PCDHGA4: variants seen among roughly 807,000 people sequenced by gnomAD.
PCDHGA4 encodes protocadherin gamma subfamily A, 4.
Under a neutral mutation model 54.6 loss-of-function variants are expected in PCDHGA4, and 38 were observed. The observed-to-expected ratio is 0.70, with a 90% confidence interval of 0.54 to 0.91. The LOEUF (loss-of-function observed/expected upper bound fraction) is 0.91, where lower values mean the gene tolerates loss of function less well. Ranked by LOEUF, PCDHGA4 falls within the 40% of genes least tolerant of loss-of-function variation. The pLI is 0.00. For missense variants in PCDHGA4, 1,298 were observed against 1,220.9 expected (o/e 1.06, Z -0.94); for synonymous variants, 511 against 512.9 (o/e 1.00, Z 0.05).
At chr5:141,371,574 A>G (rs1180063377) in intron 1 of PCDHGA4, 2 of 1,613,828 alleles carry the variant, frequency 1.2e-6, no homozygotes, top group East Asian at 4.5e-5. Flanking sequence ...CCCCTTTAAA[A>G]TCGTTCAAGA....
intron 1 of PCDHGA4, chr5:141,404,892 A>G (rs2094580163): frequency 1.2e-6 from 2 of 1,613,880 alleles, no homozygotes; most frequent in African/African-American, 1.3e-5. Flanking sequence ...GTGGCTGTAC[A>G]GGACCATGGC....
At chr5:141,483,918 T>G (rs2099588800) in intron 1 of PCDHGA4, among the ~76,000 whole-genome samples, 1 of 150,512 alleles carries the variant, frequency 6.6e-6, no homozygotes, top group Non-Finnish European at 1.5e-5. Flanking sequence ...CCACTCAGAT[T>G]GCAGGTCGTA....
At chr5:141,449,658 C>T (rs1413506303) in intron 1 of PCDHGA4, among the ~76,000 whole-genome samples, 5 of 149,582 alleles carry the variant, frequency 3.3e-5, no homozygotes, top group Admixed American at 3.3e-4. Flanking sequence ...TTTACATACA[C>T]ACCCAAGTGT....
Position 141,487,820 on chromosome 5 carries a change from G to A in PCDHGA4, c.2515-6987G>A, listed in dbSNP as rs1024593393. 8 of 1,293,652 alleles carry A rather than the reference G, an allele frequency of 6.2e-6. No individual in the cohort carries two copies. The highest frequency in any genetic ancestry group is 3.7e-4 in the Middle Eastern group (2 of 5,382). 80.1% of individuals were successfully genotyped at this position (1,293,652 alleles called of 1,614,324 possible). A position where few individuals can be genotyped will look rare whatever the true frequency, so the allele number is the denominator to read the frequency against. On this transcript the variant is annotated intron_variant, in intron 1 of 3. Transcript: ENST00000571252. This position sits in a 1 kb window ranked among gnomAD's most constrained non-coding sequence, Gnocchi z 5.0. ...GTTGTCACAGTTTAGCATTGGGGGC[G>A]GGTCATGCCTATATCTGAGTAAGAA...
In PCDHGA4 at chr5:141,393,675, C is replaced by T. The variant is rs755191809; in HGVS notation, c.2514+36054C>T. The stretch of plus-strand genomic sequence containing the variant: ...CAAATTCCGGAAAATTAATGAAAAA[C>T]AAACTCCGTTATTCCAGCTTAATGA... On this transcript the variant is annotated intron_variant, in intron 1 of 3. Transcript: ENST00000571252. 4 of 1,613,756 alleles carry T rather than the reference C, an allele frequency of 2.5e-6. No individual in the cohort carries two copies. The South Asian group carries it at 3.3e-5, about 13-fold the overall frequency.
At chr5:141,501,308 C>T (rs1220463692) in intron 2 of PCDHGA4, among the ~76,000 whole-genome samples, 2 of 151,492 alleles carry the variant, frequency 1.3e-5, no homozygotes, top group African/African-American at 2.4e-5. Context: ...CACACACACA[C>T]ACACACACAC....
At chr5:141,415,366 G>T in intron 1 of PCDHGA4, 1 of 1,614,252 alleles carries the variant, frequency 6.2e-7, no homozygotes, top group South Asian at 1.1e-5. Flanking sequence ...CCTGCTGCAG[G>T]CTTCAGGAGG....
At position 141,399,956 on chromosome 5, in the gene PCDHGA4, C is replaced by T. The variant is rs760477759; in HGVS notation, c.2514+42335C>T. On this transcript the variant is annotated intron_variant, in intron 1 of 3. Coordinates refer to ENST00000571252, the MANE Select transcript of PCDHGA4 (RefSeq NM_018917.4). ...TACCACGTGCTGCAGGCTAGCGAGC[C>T]CGGGCTCTTCAGCCTGGGGCTGCGC... is the stretch of plus-strand genomic sequence containing the variant. 106 of 1,612,048 alleles carry T rather than the reference C, an allele frequency of 6.6e-5. No homozygotes were observed. Among genetic ancestry groups the T allele is most frequent in the Middle Eastern group, 1.9e-4 (1 of 5,240 alleles).
chr5:141,477,611 C>T lies in PCDHGA4; in HGVS notation c.2515-17196C>T. On this transcript the variant is annotated intron_variant, in intron 1 of 3. Coordinates refer to ENST00000571252, the MANE Select transcript of PCDHGA4 (RefSeq NM_018917.4). This position sits in a 1 kb window ranked among gnomAD's most constrained non-coding sequence, Gnocchi z 4.9. ...TCGGCTTTCTTTCTTTCTCTTGGAG[C>T]AAGGAGCTGAAACCGGGCTAGTGGG... is the stretch of plus-strand genomic sequence containing the variant. The T allele has an allele frequency of 6.2e-7, 1 of 1,614,188 alleles. No homozygotes were observed. The highest frequency in any genetic ancestry group is 8.5e-7 in the Non-Finnish European group (1 of 1,180,036).
intron 1 of PCDHGA4, chr5:141,410,687 T>C: frequency 6.6e-7 from 1 of 1,518,632 alleles, no homozygotes; most frequent in Non-Finnish European, 8.8e-7. Flanking sequence ...TTAGGCATAC[T>C]ACTTTATTTT....
chr5:141,389,124 C>T (rs2091613941), intron 1 of PCDHGA4: 2 of 1,613,878 alleles, frequency 1.2e-6, no homozygotes, highest in South Asian at 2.2e-5. Context: ...CGAGCAGAAT[C>T]CAGAGTACAA....
chr5:141,402,994 C>A (rs1253121982), intron 1 of PCDHGA4: 1 of 1,613,722 alleles, frequency 6.2e-7, no homozygotes, highest in Non-Finnish European at 8.5e-7. Context: ...GAAGATTAGT[C>A]CTGCTATGCT....
chr5:141,371,226 A>C (rs772683388), intron 1 of PCDHGA4: 19 of 1,613,954 alleles, frequency 1.2e-5, no homozygotes, highest in Non-Finnish European at 1.6e-5. Flanking sequence ...TGCCGAAATC[A>C]TCTATGCCTT....
intron 1 of PCDHGA4, chr5:141,427,734 C>A (rs2097062807): frequency 1.7e-6 from 2 of 1,207,418 alleles, no homozygotes; most frequent in Non-Finnish European, 2.4e-6. Flanking sequence ...GCTGAATGGC[C>A]AAGTCTCCTA....
intron 1 of PCDHGA4, chr5:141,384,882 C>T (rs951463054): frequency 6.2e-7 from 1 of 1,613,754 alleles, no homozygotes; most frequent in African/African-American, 1.3e-5. Context: ...TCACACTCAC[C>T]GTGGCTGTGG....
chr5:141,430,897 C>T, intron 1 of PCDHGA4: 1 of 1,605,442 alleles, frequency 6.2e-7, no homozygotes, highest in Non-Finnish European at 8.5e-7. Context: ...CTAGGGTGGG[C>T]GACATCTCCA....
chr5:141,501,323 A>G (rs2099807887), intron 2 of PCDHGA4, among the ~76,000 whole-genome samples: 1 of 151,850 alleles, frequency 6.6e-6, no homozygotes, highest in East Asian at 1.9e-4. Flanking sequence ...ACACACACAC[A>G]CACACACACA....
intron 1 of PCDHGA4, chr5:141,405,320 C>A (rs1183399090): frequency 6.2e-7 from 1 of 1,614,188 alleles, no homozygotes; most frequent in South Asian, 1.1e-5. Flanking sequence ...GAAAAATGAG[C>A]CTTTGTGCGT....
chr5:141,355,783 G>T lies in PCDHGA4; in HGVS notation c.676G>T (p.Val226Leu). 2 of 1,613,802 alleles carry T rather than the reference G, an allele frequency of 1.2e-6. No homozygotes were observed. Among genetic ancestry groups the T allele is most frequent in the Non-Finnish European group, 1.7e-6 (2 of 1,179,806 alleles). ...GADGIKYPELVLERALDREEE... is the reference protein window; with the variant it reads ...GADGIKYPELLLERALDREEE... ...CGATGGGATTAAGTACCCAGAGCTG[G>T]TGCTGGAACGCGCTCTAGATCGCGA... Residue 226 changes from valine to leucine, a missense_variant, in exon 1 of 4, where the codon GTG (valine) becomes TTG (leucine). By Grantham distance (32) the Val-to-Leu change is conservative. Transcript: ENST00000571252.
Sources: gnomAD v4.1 joint callset for allele counts (sites outside exome capture counted in the v4.1 genomes callset) on GRCh38, gnomAD v4.1.1 for gene constraint, Gnocchi (gnomAD v3.1) non-coding constraint, MANE v1.5 for transcripts, NCBI Gene and HGNC (gene_info 2026-07-23, HGNC 2026-07-21) for gene names.